Variants in TOX observed in about 807,000 individuals in gnomAD.
The protein encoded by TOX is thymocyte selection associated high mobility group box, also known as thymocyte selection-associated high mobility group box protein TOX.
A neutral mutation model predicts 53.7 loss-of-function variants in TOX; 11 were observed. That is an observed-to-expected ratio of 0.20 (90% confidence interval 0.13 to 0.34). The LOEUF (loss-of-function observed/expected upper bound fraction) is 0.34. Among genes scored for constraint, TOX ranks in the 10% least tolerant of loss-of-function variants. The pLI, the probability that TOX is intolerant of heterozygous loss-of-function variation, is 1.00. For synonymous variants in TOX, 225 were observed against 245.3 expected (o/e 0.92, Z 0.77); for missense variants, 570 against 664.6 (o/e 0.86, Z 1.56).
At chr8:58,940,418 G>A (rs537052358) in intron 2 of TOX, among the ~76,000 whole-genome samples, 3 of 151,514 alleles carry the variant, frequency 2.0e-5, no homozygotes, top group Non-Finnish European at 4.4e-5. Context: ...GATTATGTGA[G>A]GACATGCCTG....
chr8:58,895,647 G>A (rs1012577233), intron 3 of TOX, among the ~76,000 whole-genome samples: 1 of 152,190 alleles, frequency 6.6e-6, no homozygotes, highest in African/African-American at 2.4e-5. Flanking sequence ...GAATTATGTG[G>A]ATCTGCTTCC....
intron 1 of TOX, among the ~76,000 whole-genome samples, chr8:59,040,643 T>C (rs1803563650): frequency 6.6e-6 from 1 of 152,194 alleles, no homozygotes; most frequent in Non-Finnish European, 1.5e-5. Flanking sequence ...TGAAGTGCAA[T>C]AGACCCAATT....
rs143221483 is a variant in TOX, at chr8:58,959,431, C to G, written c.168+512G>C. Among the ~76,000 whole-genome samples the G allele has an allele frequency of 4.9e-3, 746 of 152,256 alleles. 7 individuals are homozygous for G. The highest frequency in any genetic ancestry group is 0.017 in the African/African-American group (717 of 41,524). On this transcript the variant is annotated intron_variant, in intron 2 of 8. Transcript: ENST00000361421. ...TGCCCTTGAAAGGTTTCAATCATAT[C>G]ATGTTTTTTGGCCTGAAAGCTCCTC...
chr8:59,061,488 G>A (rs1803983196), intron 1 of TOX, among the ~76,000 whole-genome samples: 1 of 152,060 alleles, frequency 6.6e-6, no homozygotes, highest in African/African-American at 2.4e-5. Context: ...CTCTGTGATG[G>A]CCTCTTCGGT....
Position 58,851,879 on chromosome 8 carries a change from T to C in TOX, c.412-74A>G. ...AGGAGTAATTTTAACAAATATGTTT[T>C]GGGCAAAAAAGTAATAATTCTTTAG... is the stretch of plus-strand genomic sequence containing the variant. On this transcript the variant is annotated intron_variant, in intron 3 of 8. Coordinates refer to ENST00000361421, the MANE Select transcript of TOX (RefSeq NM_014729.3). The surrounding 1 kb of genome is among the most constrained non-coding windows in gnomAD (Gnocchi z 4.4). 1 of 1,211,368 alleles carries C rather than the reference T, an allele frequency of 8.3e-7. No homozygotes were observed. The highest frequency in any genetic ancestry group is 1.6e-5 in the African/African-American group (1 of 64,030). 75.0% of individuals were successfully genotyped at this position (1,211,368 alleles called of 1,614,324 possible).
chr8:59,089,105 C>T (rs1040449153), intron 1 of TOX, among the ~76,000 whole-genome samples: 2 of 152,194 alleles, frequency 1.3e-5, no homozygotes, highest in African/African-American at 4.8e-5. Context: ...TCTGAAATCA[C>T]TTTGTGAAAG....
At chr8:58,995,586 A>G (rs1458925254) in intron 1 of TOX, among the ~76,000 whole-genome samples, 1 of 152,234 alleles carries the variant, frequency 6.6e-6, no homozygotes, top group Non-Finnish European at 1.5e-5. Context: ...CCTCTGGATA[A>G]CACAGACAAC....
intron 2 of TOX, among the ~76,000 whole-genome samples, chr8:58,954,986 G>T (rs1003153861): frequency 5.3e-5 from 8 of 152,178 alleles, no homozygotes; most frequent in African/African-American, 1.9e-4. Context: ...ATCAGCAACA[G>T]GGGCCCAGTG....
At chr8:58,984,848 G>A (rs1052794562) in intron 1 of TOX, among the ~76,000 whole-genome samples, 4 of 150,380 alleles carry the variant, frequency 2.7e-5, no homozygotes, top group Non-Finnish European at 4.4e-5. Context: ...TGGAGAAATT[G>A]GAACCCTGTG....
intron 3 of TOX, among the ~76,000 whole-genome samples, chr8:58,911,471 A>G (rs1475991243): frequency 6.6e-6 from 1 of 152,168 alleles, no homozygotes; most frequent in East Asian, 1.9e-4. Context: ...ATACATATGT[A>G]TTTCTCGCTA....
chr8:59,064,581 G>C (rs1804053412), intron 1 of TOX, among the ~76,000 whole-genome samples: 1 of 152,054 alleles, frequency 6.6e-6, no homozygotes, highest in Non-Finnish European at 1.5e-5. Flanking sequence ...AAATAAACAA[G>C]CTTCTCGGAA....
At chr8:58,863,921 C>T (rs73243092) in intron 3 of TOX, among the ~76,000 whole-genome samples, 9,106 of 152,000 alleles carry the variant, frequency 0.06, 299 homozygotes, top group East Asian at 0.12. Context: ...AATAATGCTG[C>T]AACAAGGAGT....
At chr8:58,812,229 G>A (rs780951950) in intron 7 of TOX, among the ~76,000 whole-genome samples, 1 of 152,158 alleles carries the variant, frequency 6.6e-6, no homozygotes, top group African/African-American at 2.4e-5. Context: ...ATGTGGAGGG[G>A]TGGTGGACTC....
intron 3 of TOX, among the ~76,000 whole-genome samples, chr8:58,890,571 C>T (rs955460610): frequency 5.3e-5 from 8 of 151,818 alleles, no homozygotes; most frequent in African/African-American, 9.7e-5. Context: ...TGATATTGGA[C>T]GGTAGGGAGG....
intron 2 of TOX, among the ~76,000 whole-genome samples, chr8:58,952,633 T>C (rs1440529611): frequency 1.3e-5 from 2 of 152,226 alleles, no homozygotes; most frequent in Non-Finnish European, 2.9e-5. Context: ...CATCTGTCTA[T>C]TGAATAAACC....
chr8:59,026,870 T>G (rs944668746), intron 1 of TOX, among the ~76,000 whole-genome samples: 1 of 139,472 alleles, frequency 7.2e-6, no homozygotes, highest in Non-Finnish European at 1.5e-5. Context: ...AATACATTTA[T>G]AGAATTCTTT....
intron 3 of TOX, among the ~76,000 whole-genome samples, chr8:58,888,286 C>T (rs1011763019): frequency 6.6e-6 from 1 of 151,810 alleles, no homozygotes; most frequent in Non-Finnish European, 1.5e-5. Context: ...CAATAGAATA[C>T]CCCATTTATA....
intron 1 of TOX, chr8:58,992,982 T>C (rs1412091594): frequency 6.7e-6 from 1 of 149,920 alleles, no homozygotes; most frequent in Non-Finnish European, 1.5e-5. Context: ...ACAGAGGGAG[T>C]GAGAGAACGT....
At chr8:58,875,553 T>C (rs1171865359) in intron 3 of TOX, among the ~76,000 whole-genome samples, 2 of 152,168 alleles carry the variant, frequency 1.3e-5, no homozygotes, top group Non-Finnish European at 2.9e-5. Flanking sequence ...AAAAACAATC[T>C]AAAAAGAGCA....
Sources: allele counts gnomAD v4.1 joint callset (sites outside exome capture counted in the v4.1 genomes callset), GRCh38; gene constraint gnomAD v4.1.1; non-coding constraint Gnocchi (gnomAD v3.1); transcripts MANE v1.5; gene names NCBI Gene and HGNC (gene_info 2026-07-23, HGNC 2026-07-21).